CCDC13: variants seen among roughly 807,000 people sequenced by gnomAD.
The protein encoded by CCDC13 is coiled-coil domain-containing protein 13.
A neutral mutation model predicts 87.3 loss-of-function variants in CCDC13; 70 were observed. The ratio of observed to expected loss-of-function variants is 0.80; its 90% CI spans 0.66 to 0.98. The LOEUF is 0.98. Ranked by LOEUF, CCDC13 falls within the 50% of genes least tolerant of loss-of-function variation. The pLI is 0.00. For synonymous variants in CCDC13, 317 were observed against 360.3 expected, an observed-to-expected ratio of 0.88 and a Z score of 1.36; for missense variants, 842 against 892.0, an observed-to-expected ratio of 0.94 and a Z score of 0.71.
chr3:42,771,235 T>A (rs192834770), intron 1 of CCDC13, among the ~76,000 whole-genome samples: 2 of 152,334 alleles, frequency 1.3e-5, no homozygotes, highest in Admixed American at 1.3e-4. Flanking sequence ...AATTGCAAAC[T>A]GTATAATATT....
In CCDC13 at chr3:42,735,311, G is replaced by T. The variant is rs1698971747; in HGVS notation, c.1371+396C>A. On this transcript the variant is annotated intron_variant, in intron 10 of 15. Transcript: ENST00000310232. The stretch of plus-strand genomic sequence containing the variant: ...GGGGTGAAGAGAAGATGCAGGAGGG[G>T]TGGCAGCAAGAGTTAGTCACATGGT... Among the ~76,000 whole-genome samples, 3 of 152,032 alleles carry T rather than the reference G, an allele frequency of 2.0e-5. No homozygotes were observed. The South Asian group carries it at 6.2e-4, about 32-fold the overall frequency.
At chr3:42,741,371 C>A (rs1349879953) in intron 8 of CCDC13, among the ~76,000 whole-genome samples, 1 of 152,176 alleles carries the variant, frequency 6.6e-6, no homozygotes, top group Non-Finnish European at 1.5e-5. Context: ...CCTCTTCCAA[C>A]CCATTCCTCC....
At position 42,721,868 on chromosome 3, in the gene CCDC13, C is replaced by G. The variant is rs551817449; in HGVS notation, c.1719-8552G>C. Among the ~76,000 whole-genome samples the G allele has an allele frequency of 6.6e-5, 10 of 152,304 alleles. No individual in the cohort carries two copies. In the East Asian group the frequency reaches 1.9e-3, roughly 29 times the overall value. ...TTATTCCTGTGAGCCAGCCAGTGAT[C>G]TCTGACTGCTGTCCAGAAGAAACAC... On this transcript the variant is annotated intron_variant, in intron 13 of 15. Transcript: ENST00000310232.
chr3:42,737,063 A>T (rs1304981735), intron 9 of CCDC13, among the ~76,000 whole-genome samples: 1 of 142,080 alleles, frequency 7.0e-6, no homozygotes, highest in African/African-American at 2.6e-5. Flanking sequence ...TCCCTCCCCC[A>T]GCCCCCCACC....
chr3:42,766,065 A>G (rs1699926527), intron 1 of CCDC13, among the ~76,000 whole-genome samples: 1 of 152,126 alleles, frequency 6.6e-6, no homozygotes, highest in Non-Finnish European at 1.5e-5. Context: ...GAGGGGGAAG[A>G]GGAATTGCTG....
Position 42,730,593 on chromosome 3 carries a change from G to A in CCDC13, c.1596-4C>T. On this transcript the variant is annotated splice_polypyrimidine_tract_variant and splice_region_variant and intron_variant, in intron 12 of 15. Coordinates refer to ENST00000310232, the MANE Select transcript of CCDC13 (RefSeq NM_144719.4). The stretch of plus-strand genomic sequence containing the variant: ...TTGTTCTGGGGAGTCCGAGAACCTG[G>A]GACCAGGGTGGAGGGCAGAGGGCAG... 1 of 1,613,880 alleles carries A rather than the reference G, an allele frequency of 6.2e-7. No homozygotes were observed. Among genetic ancestry groups the A allele is most frequent in the Non-Finnish European group, 8.5e-7 (1 of 1,179,844 alleles).
intron 1 of CCDC13, among the ~76,000 whole-genome samples, chr3:42,760,670 T>C (rs1699812326): frequency 6.6e-6 from 1 of 151,930 alleles, no homozygotes; most frequent in Admixed American, 6.6e-5. Context: ...GATTGCGCCA[T>C]GGCACTCCAG....
intron 8 of CCDC13, 130 bp downstream of exon 8, chr3:42,742,766 G>A (rs1286466025): frequency 8.7e-7 from 1 of 1,144,166 alleles, no homozygotes; most frequent in East Asian, 2.4e-5. Flanking sequence ...AGGTGACCCA[G>A]GTCCCCAGGT....
intron 1 of CCDC13, among the ~76,000 whole-genome samples, chr3:42,771,239 TAATA>T (rs1395434639): frequency 1.3e-5 from 2 of 152,266 alleles, no homozygotes; most frequent in Admixed American, 1.3e-4. Context: ...GCAAACTGTA[TAATA>T]TTCTGAAAAA....
intron 3 of CCDC13, among the ~76,000 whole-genome samples, chr3:42,753,704 G>C (rs1040602129): frequency 1.3e-5 from 2 of 152,170 alleles, no homozygotes; most frequent in African/African-American, 4.8e-5. Flanking sequence ...TGTGAAGAGA[G>C]ACCTGAGTGA....
chr3:42,757,166 C>T lies in CCDC13; in HGVS notation c.270G>A (p.Thr90=), dbSNP rs368167791. 3.7e-5 allele frequency: 59 copies of T among 1,614,076 alleles called. No individual in the cohort carries two copies. Among genetic ancestry groups the T allele is most frequent in the Non-Finnish European group, 4.7e-5 (55 of 1,180,034 alleles). The change falls in exon 3 of 16, where the codon ACG becomes ACA. Residue 90 remains threonine, a synonymous_variant. Transcript: ENST00000310232. ...TATACAATCGCCCGTTCTCGTCCACCGTTTCCCTGAGCTCATTTCGAAGGT... is the reference window on the plus strand; with the variant it reads ...TATACAATCGCCCGTTCTCGTCCACTGTTTCCCTGAGCTCATTTCGAAGGT... ...IEHLRNELRE[T]VDENGRLYKL...
chr3:42,754,405 C>G (rs894442282), intron 3 of CCDC13, among the ~76,000 whole-genome samples: 7 of 152,242 alleles, frequency 4.6e-5, no homozygotes, highest in Admixed American at 3.3e-4. Flanking sequence ...ACCAAGATGG[C>G]ACACTTTGCT....
chr3:42,749,199 C>G (rs1039915626), intron 5 of CCDC13, among the ~76,000 whole-genome samples: 1 of 152,168 alleles, frequency 6.6e-6, no homozygotes, highest in African/African-American at 2.4e-5. Context: ...GGAAGCAACA[C>G]CCCTCCACCC....
chr3:42,739,434 C>T (rs990508555), intron 9 of CCDC13, among the ~76,000 whole-genome samples, 200 bp downstream of exon 9: 7 of 152,220 alleles, frequency 4.6e-5, no homozygotes, highest in Admixed American at 3.3e-4. Flanking sequence ...CAGCCCCCTA[C>T]CTGCCCTCAG....
Position 42,742,903 on chromosome 3 carries a change from C to G in CCDC13, c.980G>C (p.Gly327Ala). 6.2e-7 allele frequency: 1 copy of G among 1,614,094 alleles called. No individual in the cohort carries two copies. Among genetic ancestry groups the G allele is most frequent in the Non-Finnish European group, 8.5e-7 (1 of 1,179,976 alleles). Reference sequence around the variant, plus strand: ...TCCTCAGGCACGCGTTACCTCCAAGCCTTCCTGTTTTTCCCTTTCCAGGCT... The same window carrying G: ...TCCTCAGGCACGCGTTACCTCCAAGGCTTCCTGTTTTTCCCTTTCCAGGCT... ...IRSLEREKQE[G>A]LEKLASERDV... Residue 327 changes from glycine to alanine, a missense_variant, in exon 8 of 16, where the codon GGC (glycine) becomes GCC (alanine). Gly to Ala is a moderately conservative substitution (Grantham distance 60). Transcript: ENST00000310232.
At chr3:42,753,511 T>C (rs962255370) in intron 3 of CCDC13, among the ~76,000 whole-genome samples, 3 of 152,208 alleles carry the variant, frequency 2.0e-5, no homozygotes, top group African/African-American at 7.2e-5. Context: ...AAAAGACTTA[T>C]GGGGTTTACA....
rs757740563 is a variant in CCDC13 at position 42,751,984 on chromosome 3, G to A, written c.555C>T (p.Thr185=). ...ALTRLSAKGA[T]DAGAKPPRAQ... ...CCCTCGGTGGCTTGGCTCCTGCGTC[G>A]GTGGCCCCCTTGGCTGACAGCCTGG... Residue 185 remains threonine, a synonymous_variant, in exon 5 of 16, where the codon ACC becomes ACT. Coordinates refer to ENST00000310232, the MANE Select transcript of CCDC13 (RefSeq NM_144719.4). 22 of 1,610,122 alleles carry A rather than the reference G, an allele frequency of 1.4e-5. No individual in the cohort carries two copies. The highest frequency in any genetic ancestry group is 6.6e-5 in the South Asian group (6 of 91,090).
At chr3:42,717,570 A>C (rs1698462533) in intron 13 of CCDC13, among the ~76,000 whole-genome samples, 2 of 152,214 alleles carry the variant, frequency 1.3e-5, no homozygotes, top group Admixed American at 6.5e-5. Context: ...CAGTATTGTT[A>C]ATGTAATCAG....
At position 42,749,958 on chromosome 3, in the gene CCDC13, C is replaced by A. The variant is rs1168362854; in HGVS notation, c.603+1978G>T. 14 of 456,328 alleles carry A rather than the reference C, an allele frequency of 3.1e-5. No individual in the cohort carries two copies. In the Admixed American group the frequency reaches 3.3e-4, roughly 11 times the overall value. The allele number at this position is 456,328 out of a possible 1,614,324, so 28.3% of individuals were successfully genotyped here. ...CTCGGGCTTGGGCCGCCCTGAGCAG[C>A]CTATGAGGGGAAACATTGCTTTTGC... On this transcript the variant is annotated intron_variant, in intron 5 of 15. Transcript: ENST00000310232.
Sources: gnomAD v4.1 joint callset for allele counts (sites outside exome capture counted in the v4.1 genomes callset) on GRCh38, gnomAD v4.1.1 for gene constraint, MANE v1.5 for transcripts, NCBI Gene and HGNC (gene_info 2026-07-23, HGNC 2026-07-21) for gene names.